The following CENPC variants were observed in gnomAD, a reference collection of about 807,000 sequenced individuals.
The protein encoded by CENPC is CENP-C 1.
In CENPC, 63 loss-of-function variants were observed where a neutral mutation model predicts 112.1. That is an observed-to-expected ratio of 0.56 (90% confidence interval 0.46 to 0.69). CENPC has a LOEUF of 0.69. CENPC is among the 30% of genes least tolerant of loss of function. The pLI, the probability that CENPC is intolerant of heterozygous loss-of-function variation, is 0.00. For missense variants in CENPC, 1,000 were observed against 1,103.8 expected (o/e 0.91, Z 1.33); for synonymous variants, 333 against 367.6 (o/e 0.91, Z 1.08).
rs531868450 is a variant in CENPC, at chr4:67,476,012, T to C, written c.2671-1034A>G. Among the ~76,000 whole-genome samples the C allele has an allele frequency of 5.9e-5, 9 of 152,286 alleles. No homozygotes were observed. The South Asian group carries it at 1.7e-3, about 28-fold the overall frequency. ...TTACAATGGCATTTAAAAAATCGTA[T>C]TGCCTAGTGACCTCACAGCCATCAT... On this transcript the variant is annotated intron_variant, in intron 17 of 18. Coordinates refer to ENST00000273853, the MANE Select transcript of CENPC (RefSeq NM_001812.4).
rs143132647 is a variant in CENPC, at chr4:67,502,092, T to C, written c.2131+3113A>G. On this transcript the variant is annotated intron_variant, in intron 12 of 18. Transcript: ENST00000273853. ...TTCTATTCATAAGCATTAACTCTCA[T>C]GAAGCAAAATAGCAATACGGTGATA... Among the ~76,000 whole-genome samples, 492 of 152,122 alleles carry C rather than the reference T, an allele frequency of 3.2e-3. 3 individuals carry two copies. Among genetic ancestry groups the C allele is most frequent in the African/African-American group, 0.011 (475 of 41,520 alleles).
In CENPC at chr4:67,545,418, A is replaced by G; in HGVS notation, c.-63T>C. On this transcript the variant is annotated 5_prime_UTR_variant, in exon 1 of 19. Coordinates refer to ENST00000273853, the MANE Select transcript of CENPC (RefSeq NM_001812.4). Reference sequence around the variant, plus strand: ...GGAAGCCCACACGGACCACAGCTCCAGGAAGCCGAGCAAGAAACGAATCGC... The same window carrying G: ...GGAAGCCCACACGGACCACAGCTCCGGGAAGCCGAGCAAGAAACGAATCGC... 6.9e-7 allele frequency: 1 copy of G among 1,439,834 alleles called. No individual in the cohort carries two copies. The highest frequency in any genetic ancestry group is 9.2e-7 in the Non-Finnish European group (1 of 1,089,454). The allele number at this position is 1,439,834 out of a possible 1,614,324, so 89.2% of individuals were successfully genotyped here.
intron 5 of CENPC, among the ~76,000 whole-genome samples, chr4:67,524,135 C>A (rs1413685029): frequency 6.6e-6 from 1 of 151,606 alleles, no homozygotes; most frequent in African/African-American, 2.4e-5. Context: ...AAATGATAAA[C>A]CTCTATCTAA....
chr4:67,504,202 CT>C (rs1282677788), intron 12 of CENPC, among the ~76,000 whole-genome samples: 2 of 151,524 alleles, frequency 1.3e-5, no homozygotes, highest in African/African-American at 4.8e-5. Context: ...TAAATAACTG[CT>C]GGGTCAAAGA....
chr4:67,525,741 A>C (rs1726357861), intron 5 of CENPC, among the ~76,000 whole-genome samples: 1 of 152,210 alleles, frequency 6.6e-6, no homozygotes, highest in Non-Finnish European at 1.5e-5. Context: ...AATTAGTTCA[A>C]CCATTGTGGA....
At chr4:67,507,386 A>T (rs1725764945) in intron 10 of CENPC, among the ~76,000 whole-genome samples, 1 of 151,988 alleles carries the variant, frequency 6.6e-6, no homozygotes, top group Non-Finnish European at 1.5e-5. Context: ...AACAAGATAC[A>T]CTCTTCCTAG....
chr4:67,532,894 A>C (rs1252570598), intron 4 of CENPC, among the ~76,000 whole-genome samples: 5 of 152,212 alleles, frequency 3.3e-5, no homozygotes, highest in Admixed American at 3.3e-4. Context: ...TTTAAAGTAA[A>C]ATAATAATTT....
rs915718332 is a variant in CENPC at position 67,516,105 on chromosome 4, T to A, written c.831-1418A>T. ...ATTCTTAAATTTTCATAAAAGCATGTACATGTTAAGAACATACAAAGAGAT... is the reference window on the plus strand; with the variant it reads ...ATTCTTAAATTTTCATAAAAGCATGAACATGTTAAGAACATACAAAGAGAT... On this transcript the variant is annotated intron_variant, in intron 7 of 18. Coordinates refer to ENST00000273853, the MANE Select transcript of CENPC (RefSeq NM_001812.4). 1.1e-4 allele frequency among the ~76,000 whole-genome samples: 17 copies of A among 152,152 alleles called. 1 individual carries two copies. Among genetic ancestry groups the A allele is most frequent in the African/African-American group, 3.9e-4 (16 of 41,396 alleles).
chr4:67,506,241 C>T (rs1445817272), intron 11 of CENPC, among the ~76,000 whole-genome samples: 1 of 152,198 alleles, frequency 6.6e-6, no homozygotes, highest in African/African-American at 2.4e-5. Flanking sequence ...TTCTTTAATA[C>T]ACCACCTTTC....
intron 12 of CENPC, among the ~76,000 whole-genome samples, chr4:67,498,612 A>G (rs1228974882): frequency 3.3e-5 from 5 of 152,232 alleles, no homozygotes; most frequent in Non-Finnish European, 7.3e-5. Flanking sequence ...TTCTTCCATA[A>G]GAAGCAACTC....
intron 5 of CENPC, among the ~76,000 whole-genome samples, chr4:67,524,856 C>A (rs980365401): frequency 3.3e-5 from 5 of 152,036 alleles, no homozygotes; most frequent in African/African-American, 9.7e-5. Context: ...AACCAAAGAG[C>A]CCATATAGCC....
At chr4:67,494,318 T>C (rs532459994) in intron 13 of CENPC, among the ~76,000 whole-genome samples, 4 of 152,208 alleles carry the variant, frequency 2.6e-5, no homozygotes, top group Non-Finnish European at 5.9e-5. Flanking sequence ...TTCTTACCTA[T>C]TTTTTGTTTG....
intron 7 of CENPC, among the ~76,000 whole-genome samples, chr4:67,515,556 C>A (rs943440200): frequency 1.3e-4 from 20 of 151,702 alleles, no homozygotes; most frequent in Non-Finnish European, 2.8e-4. Flanking sequence ...TACATAGCAA[C>A]ACCAAATACA....
intron 4 of CENPC, among the ~76,000 whole-genome samples, chr4:67,535,836 A>T (rs355490): frequency 0.63 from 95,023 of 151,204 alleles, 30,079 homozygotes; most frequent in East Asian, 0.81. Context: ...GGGAAAAAAA[A>T]TCAAGAAACA....
chr4:67,524,146 C>T (rs550592243), intron 5 of CENPC, among the ~76,000 whole-genome samples: 28 of 151,906 alleles, frequency 1.8e-4, no homozygotes, highest in African/African-American at 6.5e-4. Flanking sequence ...CTCTATCTAA[C>T]AAAATTGACA....
At chr4:67,535,421 G>A (rs1446780211) in intron 4 of CENPC, among the ~76,000 whole-genome samples, 1 of 151,654 alleles carries the variant, frequency 6.6e-6, no homozygotes, top group South Asian at 2.1e-4. Context: ...CTATGTGATA[G>A]GTCTAAGGGT....
In CENPC at chr4:67,472,276, AT is replaced by A. The variant is rs1221002642; in HGVS notation, c.*328del. 6.1e-6 allele frequency: 1 copy of A among 164,846 alleles called. No individual in the cohort carries two copies. The highest frequency in any genetic ancestry group is 1.3e-5 in the Non-Finnish European group (1 of 76,886). 10.2% of individuals were successfully genotyped at this position (164,846 alleles called of 1,614,324 possible). A position where few individuals can be genotyped will look rare whatever the true frequency, so the allele number is the denominator to read the frequency against. On this transcript the variant is annotated 3_prime_UTR_variant, in exon 19 of 19. Transcript: ENST00000273853. The stretch of plus-strand genomic sequence containing the variant: ...TAATAATAAATGATTTAAAATTAGT[AT>A]TTGGAAAAGATGTTTTTTAATGAGT...
chr4:67,495,284 G>A, intron 12 of CENPC, 72 bp from the exon 13 acceptor site: 2 of 1,309,318 alleles, frequency 1.5e-6, no homozygotes, highest in South Asian at 1.4e-5. Context: ...GTGTTTCCTG[G>A]TCAATTTCAG....
At chr4:67,482,158 C>CA (rs1165686122) in intron 17 of CENPC, among the ~76,000 whole-genome samples, 7 of 151,412 alleles carry the variant, frequency 4.6e-5, no homozygotes, top group Non-Finnish European at 1.0e-4. Flanking sequence ...AAGAAGCACA[C>CA]AAAAAAAATG....
Sources: gnomAD v4.1 joint callset for allele counts (sites outside exome capture counted in the v4.1 genomes callset) on GRCh38, gnomAD v4.1.1 for gene constraint, MANE v1.5 for transcripts, NCBI Gene and HGNC (gene_info 2026-07-23, HGNC 2026-07-21) for gene names.